TWIST1: variants seen among roughly 807,000 people sequenced by gnomAD.
TWIST1 encodes the protein twist-related protein 1.
TWIST1 carries 8 observed loss-of-function variants against 12.9 expected under a neutral mutation model. The ratio of observed to expected loss-of-function variants is 0.62; its 90% confidence interval spans 0.37 to 1.12. The LOEUF (loss-of-function observed/expected upper bound fraction) is 1.12, where lower values mean the gene tolerates loss of function less well. Among genes scored for constraint, TWIST1 ranks in the 50% most tolerant of loss-of-function variants. The pLI is 0.02. For missense variants in TWIST1, 268 were observed against 299.7 expected (o/e 0.89, Z 0.78); for synonymous variants, 169 against 138.7 (o/e 1.22, Z -1.54).
In TWIST1 at chr7:19,117,557, C is replaced by T; in HGVS notation, c.-236G>A. ...GGCCCCGAGGTCCAAAAAGAAAGCG[C>T]CCAACGGCTGGACGCACACCCCGCC... On this transcript the variant is annotated 5_prime_UTR_variant, in exon 1 of 2. Transcript: ENST00000242261. 8.8e-7 allele frequency: 1 copy of T among 1,131,738 alleles called. No homozygotes were observed. The highest frequency in any genetic ancestry group is 1.1e-6 in the Non-Finnish European group (1 of 914,272). The allele number at this position is 1,131,738 out of a possible 1,614,324, so 70.1% of individuals were successfully genotyped here. A position where few individuals can be genotyped will look rare whatever the true frequency, so the allele number is the denominator to read the frequency against.
chr7:19,117,177 C>A lies in TWIST1; in HGVS notation c.145G>T (p.Gly49Cys). ...CCCGCGGCTCCGCCGGGCCCCGCGC[C>A]GCCGCCCGCGCTGCGCCTGCTGCTG... Reference protein sequence around the residue: ...RRSSRRSAGGGAGPGGAAGGG... With the variant: ...RRSSRRSAGGCAGPGGAAGGG... Residue 49 changes from glycine (G) to cysteine (C), a missense_variant, in exon 1 of 2, where the codon GGC becomes TGC. Physicochemically the swap from Gly to Cys is radical, Grantham distance 159 (BLOSUM62 -3). Coordinates refer to ENST00000242261, the MANE Select transcript of TWIST1 (RefSeq NM_000474.4). 1 of 1,123,624 alleles carries A rather than the reference C, an allele frequency of 8.9e-7. No individual in the cohort carries two copies. Among genetic ancestry groups the A allele is most frequent in the East Asian group, 5.0e-5 (1 of 19,888 alleles). 69.6% of individuals were successfully genotyped at this position (1,123,624 alleles called of 1,614,324 possible).
At position 19,116,914 on chromosome 7, in the gene TWIST1, G is replaced by A. The variant is rs1788580938; in HGVS notation, c.408C>T (p.Pro136=). The change falls in exon 1 of 2, where the codon CCC becomes CCT. Residue 136 remains proline, a synonymous_variant. Transcript: ENST00000242261. The part of the protein sequence containing the change: ...EAFAALRKII[P]TLPSDKLSKI... ...TGCTCAGCTTGTCCGAGGGCAGCGTGGGGATGATCTTCCGCAGCGCGGCGA... is the reference window on the plus strand; with the variant it reads ...TGCTCAGCTTGTCCGAGGGCAGCGTAGGGATGATCTTCCGCAGCGCGGCGA... 5 of 1,613,986 alleles carry A rather than the reference G, an allele frequency of 3.1e-6. No individual in the cohort carries two copies. Among genetic ancestry groups the A allele is most frequent in the African/African-American group, 1.3e-5 (1 of 74,944 alleles).
In TWIST1 at chr7:19,117,094, C is replaced by T. The variant is rs995035581; in HGVS notation, c.228G>A (p.Lys76=). The change falls in exon 1 of 2, where the codon AAG becomes AAA. Residue 76 remains lysine, a synonymous_variant. Transcript: ENST00000242261. ...PGSPAQGKRG[K]KSAGCGGGGG... ...CGCCGCCGCCACAGCCCGCAGACTT[C>T]TTGCCGCGCTTGCCCTGGGCCGGGC... 3.0e-6 allele frequency: 4 copies of T among 1,354,784 alleles called. No homozygotes were observed. The highest frequency in any genetic ancestry group is 3.6e-5 in the Admixed American group (1 of 28,098). The allele number at this position is 1,354,784 out of a possible 1,614,324, so 83.9% of individuals were successfully genotyped here.
downstream of TWIST1, among the ~76,000 whole-genome samples, chr7:19,114,689 C>T (rs1788532190): frequency 6.6e-6 from 1 of 152,100 alleles, no homozygotes; most frequent in African/African-American, 2.4e-5. Context: ...AAATATAACG[C>T]TAATGAACTG....
At position 19,117,384 on chromosome 7, in the gene TWIST1, G is replaced by T; in HGVS notation, c.-63C>A. On this transcript the variant is annotated 5_prime_UTR_variant, in exon 1 of 2. The change creates a new upstream start codon in the 5' untranslated region. Coordinates refer to ENST00000242261, the MANE Select transcript of TWIST1 (RefSeq NM_000474.4). Reference sequence around the variant, plus strand: ...CAGAGGAGAAGAGCGGGGCGCCTCAGCCCGCCAGCTTCCCCCGCGCGCGGC... The same window carrying T: ...CAGAGGAGAAGAGCGGGGCGCCTCATCCCGCCAGCTTCCCCCGCGCGCGGC... 1 of 1,343,050 alleles carries T rather than the reference G, an allele frequency of 7.4e-7. No homozygotes were observed. Among genetic ancestry groups the T allele is most frequent in the South Asian group, 1.6e-5 (1 of 62,414 alleles). The allele number at this position is 1,343,050 out of a possible 1,614,324, so 83.2% of individuals were successfully genotyped here.
At chr7:19,116,507 C>A (rs1413986974) in intron 1 of TWIST1, among the ~76,000 whole-genome samples, 164 bp downstream of exon 1, 1 of 152,158 alleles carries the variant, frequency 6.6e-6, no homozygotes, top group Non-Finnish European at 1.5e-5. Context: ...TCAGACCGGC[C>A]TTCCGGGGAC....
chr7:19,117,583 A>G lies in TWIST1; in HGVS notation c.-262T>C. ...CCAACGGCTGGACGCACACCCCGCCAGGCCTCCTGGAAACGGTGCCGGTGC... is the reference window on the plus strand; with the variant it reads ...CCAACGGCTGGACGCACACCCCGCCGGGCCTCCTGGAAACGGTGCCGGTGC... On this transcript the variant is annotated 5_prime_UTR_variant, in exon 1 of 2. Coordinates refer to ENST00000242261, the MANE Select transcript of TWIST1 (RefSeq NM_000474.4). 9.0e-7 allele frequency: 1 copy of G among 1,105,438 alleles called. No individual in the cohort carries two copies. The highest frequency in any genetic ancestry group is 1.1e-6 in the Non-Finnish European group (1 of 897,540). The allele number at this position is 1,105,438 out of a possible 1,614,324, so 68.5% of individuals were successfully genotyped here. A position where few individuals can be genotyped will look rare whatever the true frequency, so the allele number is the denominator to read the frequency against.
In TWIST1 at chr7:19,117,204, G is replaced by A; in HGVS notation, c.118C>T (p.Arg40Cys). 2 of 1,354,958 alleles carry A rather than the reference G, an allele frequency of 1.5e-6. No homozygotes were observed. The highest frequency in any genetic ancestry group is 9.6e-7 in the Non-Finnish European group (1 of 1,045,222). 83.9% of individuals were successfully genotyped at this position (1,354,958 alleles called of 1,614,324 possible). A position where few individuals can be genotyped will look rare whatever the true frequency, so the allele number is the denominator to read the frequency against. Residue 40 changes from arginine to cysteine, a missense_variant, in exon 1 of 2, where the codon CGC (arginine) becomes TGC (cysteine). Arg to Cys is a radical substitution (Grantham distance 180). Around this residue, in one of 2 missense-constraint regions of TWIST1, gnomAD observed 189 missense variants for 172.1 expected, o/e 1.10. Coordinates refer to ENST00000242261, the MANE Select transcript of TWIST1 (RefSeq NM_000474.4). ...CCGCCCGCGCTGCGCCTGCTGCTGC[G>A]CCGCTTGCGTCCCCCGCGCTTGCCG... ...PSGKRGGRKRRSSRRSAGGGA... is the reference protein window; with the variant it reads ...PSGKRGGRKRCSSRRSAGGGA...
Position 19,116,752 on chromosome 7 carries a change from C to T in TWIST1, c.570G>A (p.Trp190Ter), listed in dbSNP as rs753590887. 1 of 1,612,780 alleles carries T rather than the reference C, an allele frequency of 6.2e-7. No homozygotes were observed. Among genetic ancestry groups the T allele is most frequent in the Non-Finnish European group, 8.5e-7 (1 of 1,179,516 alleles). ...ACATGGACCAGGCCCCCTCCATCCT[C>T]CAGACCGAGAAGGCGTAGCTGAGCC... ...HERLSYAFSV[W>*]RMEGAWSMSA... Residue 190 changes from tryptophan to a stop codon, truncating the protein, a stop_gained, in exon 1 of 2, where the codon TGG (tryptophan) becomes TGA (stop). Coordinates refer to ENST00000242261, the MANE Select transcript of TWIST1 (RefSeq NM_000474.4). LOFTEE classifies it high-confidence loss of function.
rs928318669 is a variant in TWIST1, at chr7:19,117,586, C to T, written c.-265G>A. ...ACGGCTGGACGCACACCCCGCCAGG[C>T]CTCCTGGAAACGGTGCCGGTGCTGC... is the stretch of plus-strand genomic sequence containing the variant. On this transcript the variant is annotated 5_prime_UTR_variant, in exon 1 of 2. Transcript: ENST00000242261. 2 of 1,104,014 alleles carry T rather than the reference C, an allele frequency of 1.8e-6. No homozygotes were observed. The highest frequency in any genetic ancestry group is 1.7e-5 in the African/African-American group (1 of 59,796). The allele number at this position is 1,104,014 out of a possible 1,614,324, so 68.4% of individuals were successfully genotyped here. A position where few individuals can be genotyped will look rare whatever the true frequency, so the allele number is the denominator to read the frequency against.
chr7:19,116,953 C>A lies in TWIST1; in HGVS notation c.369G>T (p.Ser123=). The change falls in exon 1 of 2, where the codon TCG becomes TCT. Residue 123 remains serine, a synonymous_variant. Coordinates refer to ENST00000242261, the MANE Select transcript of TWIST1 (RefSeq NM_000474.4). ...ANVRERQRTQ[S]LNEAFAALRK... is the part of the protein sequence containing the mutation. Reference sequence around the variant, plus strand: ...GCAGCGCGGCGAACGCCTCGTTCAGCGACTGGGTGCGCTGGCGCTCCCGCA... The same window carrying A: ...GCAGCGCGGCGAACGCCTCGTTCAGAGACTGGGTGCGCTGGCGCTCCCGCA... 1.2e-6 allele frequency: 2 copies of A among 1,613,632 alleles called. No homozygotes were observed. Among genetic ancestry groups the A allele is most frequent in the Non-Finnish European group, 1.7e-6 (2 of 1,179,908 alleles).
chr7:19,115,984 A>G lies in TWIST1; in HGVS notation c.*190T>C, dbSNP rs1338452566. The stretch of plus-strand genomic sequence containing the variant: ...ACGGGCCTGTCTCGCTTTCTCTTTT[A>G]AAAGTGCGCCCCACGCCCTGTTTCT... On this transcript the variant is annotated 3_prime_UTR_variant, in exon 2 of 2. Transcript: ENST00000242261. 1 of 152,002 alleles carries G rather than the reference A, an allele frequency of 6.6e-6. No homozygotes were observed. The highest frequency in any genetic ancestry group is 1.5e-5 in the Non-Finnish European group (1 of 67,994). 9.4% of individuals were successfully genotyped at this position (152,002 alleles called of 1,614,324 possible).
rs554912927 is a variant in TWIST1 at position 19,116,092 on chromosome 7, C to G, written c.*82G>C. The G allele has an allele frequency of 6.6e-6, 1 of 151,198 alleles. No individual in the cohort carries two copies. The highest frequency in any genetic ancestry group is 2.1e-4 in the South Asian group (1 of 4,762). The allele number at this position is 151,198 out of a possible 1,614,324, so 9.4% of individuals were successfully genotyped here. On this transcript the variant is annotated 3_prime_UTR_variant, in exon 2 of 2. Transcript: ENST00000242261. ...TTTTAGTTATCCAGCTCCAGAGTCT[C>G]TAGACTGTCCATTTTCTCCTTCTCT...
intron 1 of TWIST1, among the ~76,000 whole-genome samples, chr7:19,116,354 G>A (rs901129685): frequency 6.6e-6 from 1 of 152,228 alleles, no homozygotes; most frequent in Non-Finnish European, 1.5e-5. Context: ...AAAATTGAAA[G>A]CCGAAAGAAA....
intron 1 of TWIST1, 70 bp downstream of exon 1, chr7:19,116,601 G>A (rs1029109387): frequency 1.6e-6 from 2 of 1,261,058 alleles, no homozygotes; most frequent in East Asian, 5.1e-5. Context: ...AGGTGGACTG[G>A]GAACCGCGGC....
Position 19,115,852 on chromosome 7 carries a change from T to G in TWIST1, c.*322A>C, listed in dbSNP as rs111902598. 3 of 129,222 alleles carry G rather than the reference T, an allele frequency of 2.3e-5. No individual in the cohort carries two copies. Among genetic ancestry groups the G allele is most frequent in the Non-Finnish European group, 4.7e-5 (3 of 64,402 alleles). The allele number at this position is 129,222 out of a possible 1,614,324, so 8.0% of individuals were successfully genotyped here. ...CATGAAAAAAATAAAAATAAAAACA[T>G]TCTTCGTCAAAAAAAAAAAAAAAAA... On this transcript the variant is annotated 3_prime_UTR_variant, in exon 2 of 2. Coordinates refer to ENST00000242261, the MANE Select transcript of TWIST1 (RefSeq NM_000474.4).
chr7:19,115,097 A>G (rs539377083), downstream of TWIST1, among the ~76,000 whole-genome samples: 2 of 152,368 alleles, frequency 1.3e-5, no homozygotes, highest in South Asian at 4.1e-4. Flanking sequence ...CAAAGAGTGA[A>G]GAGCATGACA....
chr7:19,117,451 G>C lies in TWIST1; in HGVS notation c.-130C>G. On this transcript the variant is annotated 5_prime_UTR_variant, in exon 1 of 2. Coordinates refer to ENST00000242261, the MANE Select transcript of TWIST1 (RefSeq NM_000474.4). ...CGGCCCGCGGAGGAGAGAGCAGGAG[G>C]ACGGACGGGAGGGACCTCCGCGGGG... 1.7e-6 allele frequency: 2 copies of C among 1,195,690 alleles called. No individual in the cohort carries two copies. The highest frequency in any genetic ancestry group is 2.1e-6 in the Non-Finnish European group (2 of 960,286). The allele number at this position is 1,195,690 out of a possible 1,614,324, so 74.1% of individuals were successfully genotyped here. A position where few individuals can be genotyped will look rare whatever the true frequency, so the allele number is the denominator to read the frequency against.
rs1289568230 is a variant in TWIST1 at position 19,115,892 on chromosome 7, G to C, written c.*282C>G. The C allele has an allele frequency of 6.8e-6, 1 of 146,302 alleles. No individual in the cohort carries two copies. Among genetic ancestry groups the C allele is most frequent in the Non-Finnish European group, 1.5e-5 (1 of 66,838 alleles). The allele number at this position is 146,302 out of a possible 1,614,324, so 9.1% of individuals were successfully genotyped here. On this transcript the variant is annotated 3_prime_UTR_variant, in exon 2 of 2. Transcript: ENST00000242261. ...AAAAAAAAAAAAAACACAAACAACTGTTCAGACTTCTATCAGAATGCAGAG... is the reference window on the plus strand; with the variant it reads ...AAAAAAAAAAAAAACACAAACAACTCTTCAGACTTCTATCAGAATGCAGAG...
Sources: gnomAD v4.1 joint callset for allele counts (sites outside exome capture counted in the v4.1 genomes callset) on GRCh38, gnomAD v4.1.1 for gene constraint, gnomAD v4.1.1 regional missense constraint, MANE v1.5 for transcripts, NCBI Gene and HGNC (gene_info 2026-07-23, HGNC 2026-07-21) for gene names.